HP1BP3: variants seen among roughly 807,000 people sequenced by gnomAD.
HP1BP3 encodes the protein heterochromatin protein 1 binding protein 3, also known as heterochromatin protein 1-binding protein 3.
Under a neutral mutation model 62.5 loss-of-function variants are expected in HP1BP3, and 12 were observed. The ratio of observed to expected loss-of-function variants is 0.19; its 90% CI spans 0.12 to 0.31. The LOEUF (loss-of-function observed/expected upper bound fraction) is 0.31. Ranked by LOEUF, HP1BP3 falls within the 10% of genes least tolerant of loss-of-function variation. HP1BP3 has a pLI of 1.00. For missense variants in HP1BP3, 502 were observed against 651.8 expected (o/e 0.77, Z 2.50); for synonymous variants, 260 against 237.8 (o/e 1.09, Z -0.86).
intron 8 of HP1BP3, among the ~76,000 whole-genome samples, chr1:20,759,880 A>ATTTTTTT (rs71014104): frequency 0.012 from 1,393 of 112,994 alleles, 65 homozygotes; most frequent in African/African-American, 0.044. Context: ...TTAAAGACCG[A>ATTTTTTT]TTTTTTTTTT....
chr1:20,774,150 A>G (rs1026020186), intron 4 of HP1BP3: 2 of 152,236 alleles, frequency 1.3e-5, no homozygotes, highest in African/African-American at 4.8e-5. Flanking sequence ...CATTATGTAA[A>G]TTTTATTCTG....
At chr1:20,746,494 T>C (rs183767317) in intron 11 of HP1BP3, among the ~76,000 whole-genome samples, 5 of 152,278 alleles carry the variant, frequency 3.3e-5, no homozygotes, top group Admixed American at 2.6e-4. Flanking sequence ...AGTTACACAA[T>C]AGTCTTGCTA....
intron 11 of HP1BP3, among the ~76,000 whole-genome samples, chr1:20,746,804 C>CAGGA (rs1277098895): frequency 6.6e-6 from 1 of 152,118 alleles, no homozygotes; most frequent in East Asian, 1.9e-4. Context: ...CTGCTTGAGC[C>CAGGA]AGGAGTTCAA....
chr1:20,756,077 C>T (rs1210625824), intron 9 of HP1BP3, among the ~76,000 whole-genome samples: 6 of 152,044 alleles, frequency 3.9e-5, no homozygotes, highest in Non-Finnish European at 8.8e-5. Context: ...GATAGTTGTA[C>T]AATTCTATAA....
At chr1:20,777,021 A>G (rs1394698512) in intron 3 of HP1BP3, among the ~76,000 whole-genome samples, 3 of 152,224 alleles carry the variant, frequency 2.0e-5, no homozygotes, top group African/African-American at 7.2e-5. Flanking sequence ...TTGTTTAATT[A>G]TTCTACTTTG....
intron 8 of HP1BP3, among the ~76,000 whole-genome samples, chr1:20,760,016 G>C (rs1213683523): frequency 6.6e-6 from 1 of 151,558 alleles, no homozygotes; most frequent in Admixed American, 6.6e-5. Context: ...AGCCTCCTGA[G>C]TAGCTGGGAT....
At chr1:20,767,468 G>T in intron 7 of HP1BP3, 116 bp downstream of exon 7, 1 of 775,050 alleles carries the variant, frequency 1.3e-6, no homozygotes, top group Non-Finnish European at 2.3e-6. Context: ...CTAGGCCTTA[G>T]CAGAAAGGCT....
At chr1:20,759,737 G>A (rs945230656) in intron 8 of HP1BP3, among the ~76,000 whole-genome samples, 2 of 152,142 alleles carry the variant, frequency 1.3e-5, no homozygotes, top group African/African-American at 4.8e-5. Flanking sequence ...TAAAGGAACT[G>A]GCAAAGTGGC....
chr1:20,750,999 TAG>T (rs1212938938), intron 9 of HP1BP3, among the ~76,000 whole-genome samples: 1 of 151,736 alleles, frequency 6.6e-6, no homozygotes, highest in Non-Finnish European at 1.5e-5. Flanking sequence ...TTATTTTTAG[TAG>T]AGACACGGTT....
At chr1:20,780,919 G>A (rs1439774580) in intron 1 of HP1BP3, among the ~76,000 whole-genome samples, 1 of 152,078 alleles carries the variant, frequency 6.6e-6, no homozygotes, top group Non-Finnish European at 1.5e-5. Flanking sequence ...TACTGTTCTC[G>A]AAAGAGTCAG....
chr1:20,757,145 A>G (rs1276875445), intron 9 of HP1BP3, 21 bp downstream of exon 9: 2 of 1,537,752 alleles, frequency 1.3e-6, no homozygotes, highest in African/African-American at 2.8e-5. Flanking sequence ...CTTCTCCACA[A>G]CCAGGCCTCT....
At position 20,783,626 on chromosome 1, in the gene HP1BP3, ACTTT is replaced by A. The variant is rs1446447188; in HGVS notation, c.-100-3090_-100-3087del. Among the ~76,000 whole-genome samples, 4 of 151,752 alleles carry A rather than the reference ACTTT, an allele frequency of 2.6e-5. No individual in the cohort carries two copies. The East Asian group carries it at 7.7e-4, about 29-fold the overall frequency. On this transcript the variant is annotated intron_variant, in intron 1 of 12. Coordinates refer to ENST00000438032, the MANE Select transcript of HP1BP3 (RefSeq NM_001372052.1). ...GAACTTCAAAGGTTCAATCTGTAGT[ACTTT>A]CTTTAGAATAGTTGGGTTAGTCCCA...
chr1:20,783,763 C>CT, intron 1 of HP1BP3, among the ~76,000 whole-genome samples: 1 of 89,742 alleles, frequency 1.1e-5, no homozygotes, highest in South Asian at 4.4e-4. Context: ...GTGTGAGACT[C>CT]TGTCTCAAAA....
chr1:20,783,781 A>AAAAAAG (rs1486635343), intron 1 of HP1BP3, among the ~76,000 whole-genome samples: 1 of 150,884 alleles, frequency 6.6e-6, no homozygotes, highest in East Asian at 1.9e-4. Context: ...AAAAAAAAAA[A>AAAAAAG]AAAAAAAAAA....
At chr1:20,776,375 A>C in intron 4 of HP1BP3, 1 of 458,598 alleles carries the variant, frequency 2.2e-6, no homozygotes, top group Non-Finnish European at 3.8e-6. Flanking sequence ...CCAATGACAA[A>C]GACTTTTGGA....
chr1:20,763,651 T>C (rs546855283), intron 8 of HP1BP3, among the ~76,000 whole-genome samples: 1 of 152,328 alleles, frequency 6.6e-6, no homozygotes, highest in Admixed American at 6.5e-5. Context: ...AGTCTGTGAA[T>C]TACAAATTTA....
At chr1:20,778,732 T>A (rs1402611850) in intron 3 of HP1BP3, among the ~76,000 whole-genome samples, 1 of 152,104 alleles carries the variant, frequency 6.6e-6, no homozygotes, top group Non-Finnish European at 1.5e-5. Context: ...GTATATTGAC[T>A]GGTTATTGAT....
intron 3 of HP1BP3, among the ~76,000 whole-genome samples, chr1:20,779,286 A>C (rs1038558690): frequency 3.9e-5 from 6 of 152,210 alleles, no homozygotes; most frequent in African/African-American, 1.4e-4. Context: ...GTGGTTATAC[A>C]TGCCATAAAG....
chr1:20,746,626 T>C (rs897116743), intron 11 of HP1BP3, among the ~76,000 whole-genome samples: 4 of 152,220 alleles, frequency 2.6e-5, no homozygotes, highest in African/African-American at 9.6e-5. Context: ...TTTCAAAGAA[T>C]AAATAAGGTA....
Sources: gnomAD v4.1 joint callset for allele counts (sites outside exome capture counted in the v4.1 genomes callset) on GRCh38, gnomAD v4.1.1 for gene constraint, MANE v1.5 for transcripts, NCBI Gene and HGNC (gene_info 2026-07-23, HGNC 2026-07-21) for gene names.